The following DOCK3 variants were observed in gnomAD, a reference collection of about 807,000 sequenced individuals.
DOCK3 encodes the protein dedicator of cytokinesis 3, also known as dedicator of cytokinesis protein 3.
Under a neutral mutation model 265.6 loss-of-function variants are expected in DOCK3, and 60 were observed. The observed-to-expected ratio is 0.23, with a 90% CI of 0.18 to 0.28. The LOEUF (loss-of-function observed/expected upper bound fraction) is 0.28. DOCK3 is among the 10% of genes least tolerant of loss of function. DOCK3 has a pLI of 1.00. For synonymous variants in DOCK3, 881 were observed against 938.0 expected, an observed-to-expected ratio of 0.94 and a Z score of 1.11; for missense variants, 1,981 against 2,594.3, an observed-to-expected ratio of 0.76 and a Z score of 5.14.
intron 5 of DOCK3, among the ~76,000 whole-genome samples, chr3:51,001,816 G>A (rs2078493601): frequency 6.6e-6 from 1 of 152,078 alleles, no homozygotes; most frequent in African/African-American, 2.4e-5. Context: ...ATCATTGTCA[G>A]TATATTTTAT....
chr3:51,291,490 A>C (rs2081771209), intron 27 of DOCK3, among the ~76,000 whole-genome samples: 1 of 152,182 alleles, frequency 6.6e-6, no homozygotes, highest in Admixed American at 6.5e-5. Flanking sequence ...GGCAGATTGG[A>C]CAACATAGGA....
At chr3:50,874,361 G>A (rs2047593240) in intron 3 of DOCK3, among the ~76,000 whole-genome samples, 1 of 151,998 alleles carries the variant, frequency 6.6e-6, no homozygotes, top group East Asian at 1.9e-4. Context: ...GAAAAAATTA[G>A]CTGGGCATGG....
chr3:51,030,903 C>A (rs1380693582), intron 5 of DOCK3, among the ~76,000 whole-genome samples: 1 of 152,202 alleles, frequency 6.6e-6, no homozygotes, highest in African/African-American at 2.4e-5. Context: ...ATCATTAAAT[C>A]TCTGATTGGG....
chr3:50,716,340 A>G (rs1180330249), intron 1 of DOCK3, among the ~76,000 whole-genome samples: 3 of 152,068 alleles, frequency 2.0e-5, no homozygotes, highest in African/African-American at 7.2e-5. Context: ...ATCCTGGCTA[A>G]CATGGTGAAA....
intron 3 of DOCK3, chr3:50,881,260 G>A (rs990050572): frequency 2.0e-5 from 3 of 152,190 alleles, no homozygotes; most frequent in African/African-American, 7.2e-5. Context: ...TCAGCATAGT[G>A]TTGGAAGTTC....
At chr3:51,014,838 T>C (rs1045908740) in intron 5 of DOCK3, among the ~76,000 whole-genome samples, 1 of 152,154 alleles carries the variant, frequency 6.6e-6, no homozygotes, top group African/African-American at 2.4e-5. Flanking sequence ...TTTTGTAGTT[T>C]TCTTTGTAGA....
At chr3:50,900,565 T>C (rs947374475) in intron 4 of DOCK3, 30 of 346,102 alleles carry the variant, frequency 8.7e-5, no homozygotes, top group South Asian at 3.0e-4. Flanking sequence ...TTCTGATTTT[T>C]GGAATTTTCA....
chr3:50,908,760 C>G (rs2049686318), intron 4 of DOCK3, among the ~76,000 whole-genome samples: 1 of 151,906 alleles, frequency 6.6e-6, no homozygotes, highest in African/African-American at 2.4e-5. Context: ...TAGTTCAGGT[C>G]CTTAATATCT....
chr3:51,288,906 G>T (rs2081573343), intron 27 of DOCK3, among the ~76,000 whole-genome samples: 1 of 142,778 alleles, frequency 7.0e-6, no homozygotes, highest in African/African-American at 2.8e-5. Context: ...GTGTGTGGGT[G>T]TGTGTGTGTG....
chr3:50,901,701 A>T (rs1276776869), intron 4 of DOCK3: 3 of 453,858 alleles, frequency 6.6e-6, no homozygotes, highest in South Asian at 1.6e-5. Context: ...ACAGTCCCTC[A>T]TGGCTACCCT....
At chr3:50,689,603 C>T (rs6776224) in intron 1 of DOCK3, among the ~76,000 whole-genome samples, 2 of 152,006 alleles carry the variant, frequency 1.3e-5, no homozygotes, top group South Asian at 4.1e-4. Context: ...ATTCAAGATA[C>T]GATTTGGGTA....
chr3:51,022,680 G>C (rs1042266904), intron 5 of DOCK3, among the ~76,000 whole-genome samples: 7 of 152,126 alleles, frequency 4.6e-5, no homozygotes, highest in African/African-American at 1.7e-4. Flanking sequence ...TGTTTACTCT[G>C]TTGATTGTTT....
intron 2 of DOCK3, chr3:50,787,186 C>T: frequency 1.6e-6 from 1 of 629,018 alleles, no homozygotes; most frequent in Non-Finnish European, 2.9e-6. Flanking sequence ...AACTTATTGC[C>T]ACATTTATCA....
intron 5 of DOCK3, among the ~76,000 whole-genome samples, chr3:51,035,208 C>G (rs544660800): frequency 6.6e-6 from 1 of 152,136 alleles, no homozygotes; most frequent in South Asian, 2.1e-4. Context: ...GTCTTTTTCT[C>G]TCCTTTTCCA....
At chr3:51,346,075 G>T (rs2219890) in intron 38 of DOCK3, among the ~76,000 whole-genome samples, 114,274 of 151,954 alleles carry the variant, frequency 0.75, 43,964 homozygotes, top group Middle Eastern at 0.86. Context: ...TATTAGTATT[G>T]AGAAGTTGGG....
chr3:50,960,775 T>G (rs1051914494), intron 5 of DOCK3, among the ~76,000 whole-genome samples: 2 of 152,164 alleles, frequency 1.3e-5, no homozygotes, highest in Non-Finnish European at 2.9e-5. Context: ...CCAAGGTCAC[T>G]CTATATTTTC....
chr3:50,921,538 A>C (rs2050468217), intron 4 of DOCK3, among the ~76,000 whole-genome samples: 1 of 152,212 alleles, frequency 6.6e-6, no homozygotes, highest in South Asian at 2.1e-4. Context: ...TGATCGTCTC[A>C]AACCTTCTTC....
intron 32 of DOCK3, among the ~76,000 whole-genome samples, chr3:51,324,908 A>G (rs575530155): frequency 3.9e-5 from 6 of 152,358 alleles, no homozygotes; most frequent in Non-Finnish European, 7.3e-5. Flanking sequence ...CCTTATACAG[A>G]TATTAACTCA....
intron 27 of DOCK3, among the ~76,000 whole-genome samples, chr3:51,304,401 TGATGATGACCTCCCCTCCCGCTCAG>T (rs1447657143): frequency 6.5e-4 from 99 of 152,066 alleles, no homozygotes; most frequent in Non-Finnish European, 5.0e-4. Context: ...GCAGCTATAG[TGATGATGACCTCCCCTCCCGCTCAG>T]GATGATGACC....
Sources: allele counts gnomAD v4.1 joint callset (sites outside exome capture counted in the v4.1 genomes callset), GRCh38; gene constraint gnomAD v4.1.1; transcripts MANE v1.5; gene names NCBI Gene and HGNC (gene_info 2026-07-23, HGNC 2026-07-21).